The following RNF144B variants were observed in gnomAD, a reference collection of about 807,000 sequenced individuals.
The protein encoded by RNF144B is ring finger protein 144B.
In RNF144B, 25 loss-of-function variants were observed where a neutral mutation model predicts 40.2. The observed-to-expected ratio is 0.62, with a 90% confidence interval of 0.45 to 0.87. The LOEUF (loss-of-function observed/expected upper bound fraction) is 0.87, where lower values mean the gene tolerates loss of function less well. Ranked by LOEUF, RNF144B falls within the 40% of genes least tolerant of loss-of-function variation. The probability of loss-of-function intolerance (pLI) is 0.00; values close to 1 mark genes in which losing one functional copy is unlikely to be tolerated. For missense variants in RNF144B, 365 were observed against 373.7 expected, an observed-to-expected ratio of 0.98 and a Z score of 0.19; for synonymous variants, 145 against 136.3, an observed-to-expected ratio of 1.06 and a Z score of -0.44.
chr6:18,440,057 G>A (rs985964502), intron 4 of RNF144B, among the ~76,000 whole-genome samples: 5 of 152,088 alleles, frequency 3.3e-5, no homozygotes, highest in Admixed American at 6.5e-5. Flanking sequence ...AGTGACCCTC[G>A]AAATGGGTTT....
At chr6:18,430,946 A>G (rs538140871) in intron 3 of RNF144B, among the ~76,000 whole-genome samples, 2 of 152,274 alleles carry the variant, frequency 1.3e-5, no homozygotes, top group East Asian at 3.9e-4. Context: ...ATGAGTCTTA[A>G]AAATTACAAA....
rs1758768834 is a variant in RNF144B at position 18,434,416 on chromosome 6, A to G, written c.271-5268A>G. Among the ~76,000 whole-genome samples, 1 of 152,006 alleles carries G rather than the reference A, an allele frequency of 6.6e-6. No homozygotes were observed. Among genetic ancestry groups the G allele is most frequent in the Non-Finnish European group, 1.5e-5 (1 of 68,012 alleles). The stretch of plus-strand genomic sequence containing the variant: ...AGATGGTGATGCTTGTTTAAATATT[A>G]TGATCGTGGTTAATACTGATTAACA... On this transcript the variant is annotated intron_variant, in intron 3 of 7. Coordinates refer to ENST00000259939, the MANE Select transcript of RNF144B (RefSeq NM_182757.4). The surrounding 1 kb of genome is among the most constrained non-coding windows in gnomAD (Gnocchi z 4.1).
At chr6:18,411,771 G>A (rs1795052633) in intron 2 of RNF144B, among the ~76,000 whole-genome samples, 1 of 151,968 alleles carries the variant, frequency 6.6e-6, no homozygotes, top group Non-Finnish European at 1.5e-5. Context: ...TGGGATTACA[G>A]GCGTGAGCCA....
chr6:18,438,796 T>C (rs4712335), intron 3 of RNF144B, among the ~76,000 whole-genome samples: 18,962 of 152,156 alleles, frequency 0.12, 1,355 homozygotes, highest in Admixed American at 0.19. Context: ...CTGTCCTGTA[T>C]GAACTTACTG....
At chr6:18,429,011 G>T (rs1758631493) in intron 3 of RNF144B, among the ~76,000 whole-genome samples, 1 of 152,060 alleles carries the variant, frequency 6.6e-6, no homozygotes, top group Non-Finnish European at 1.5e-5. Context: ...GGGCAATATA[G>T]CAAGACCCCC....
rs902220539 is a variant in RNF144B, at chr6:18,457,209, T to C, written c.386T>C (p.Val129Ala). Residue 129 changes from valine (V) to alanine (A), a missense_variant, in exon 5 of 8, where the codon GTG (valine) becomes GCG (alanine). Coordinates refer to ENST00000259939, the MANE Select transcript of RNF144B (RefSeq NM_182757.4). The surrounding 1 kb of genome is among the most constrained non-coding windows in gnomAD (Gnocchi z 5.1). ...TGTCCTGTTGCAGACTGTCAGACAG[T>C]GTGCCCTGTTGCCTCGAGTGACCCA... is the stretch of plus-strand genomic sequence containing the variant. ...TWCPVADCQTVCPVASSDPGQ... is the reference protein window; with the variant it reads ...TWCPVADCQTACPVASSDPGQ... The C allele has an allele frequency of 3.1e-6, 5 of 1,614,018 alleles. No individual in the cohort carries two copies. The highest frequency in any genetic ancestry group is 3.3e-5 in the Admixed American group (2 of 60,008).
intron 1 of RNF144B, among the ~76,000 whole-genome samples, chr6:18,393,302 G>C (rs1203291290): frequency 6.6e-6 from 1 of 152,144 alleles, no homozygotes; most frequent in Admixed American, 6.5e-5. Flanking sequence ...TGAATGACCA[G>C]AGAGCTGGTT....
At chr6:18,438,875 T>C (rs2113514049) in intron 3 of RNF144B, among the ~76,000 whole-genome samples, 1 of 152,280 alleles carries the variant, frequency 6.6e-6, no homozygotes, top group East Asian at 1.9e-4. Flanking sequence ...TGAGAAAATC[T>C]TTATTTTCTC....
At chr6:18,429,530 G>A (rs2113501921) in intron 3 of RNF144B, among the ~76,000 whole-genome samples, 1 of 152,228 alleles carries the variant, frequency 6.6e-6, no homozygotes, top group East Asian at 1.9e-4. Context: ...AGGAATATCT[G>A]TTTAGAAGTG....
chr6:18,426,741 TTTC>T (rs1758564223), intron 2 of RNF144B, among the ~76,000 whole-genome samples: 1 of 151,384 alleles, frequency 6.6e-6, no homozygotes, highest in African/African-American at 2.4e-5. Flanking sequence ...CTTCTCTGAG[TTTC>T]TTTTTTCTAT....
At position 18,405,940 on chromosome 6, in the gene RNF144B, G is replaced by A. The variant is rs1794895423; in HGVS notation, c.165+6241G>A. ...GCATCATAGTCCTAGAATTGTAAGT[G>A]ACCTTAGATCTTCTAGTTCCCCCAC... On this transcript the variant is annotated intron_variant, in intron 2 of 7. Transcript: ENST00000259939. The surrounding 1 kb of genome is among the most constrained non-coding windows in gnomAD (Gnocchi z 4.5). The A allele has an allele frequency of 4.3e-5, 20 of 461,972 alleles. No homozygotes were observed. Among genetic ancestry groups the A allele is most frequent in the South Asian group, 3.3e-4 (20 of 61,138 alleles). The allele number at this position is 461,972 out of a possible 1,614,324, so 28.6% of individuals were successfully genotyped here. A position where few individuals can be genotyped will look rare whatever the true frequency, so the allele number is the denominator to read the frequency against.
At position 18,464,841 on chromosome 6, in the gene RNF144B, C is replaced by A; in HGVS notation, c.772-86C>A. On this transcript the variant is annotated intron_variant, in intron 7 of 7. Coordinates refer to ENST00000259939, the MANE Select transcript of RNF144B (RefSeq NM_182757.4). The surrounding 1 kb of genome is among the most constrained non-coding windows in gnomAD (Gnocchi z 6.1). The stretch of plus-strand genomic sequence containing the variant: ...GCTTCAGGGGGACACAAACATTTGG[C>A]CCACAGCAGATAACAGTATAGTTGG... 1 of 1,317,810 alleles carries A rather than the reference C, an allele frequency of 7.6e-7. No individual in the cohort carries two copies. The highest frequency in any genetic ancestry group is 1.1e-6 in the Non-Finnish European group (1 of 933,242). 81.6% of individuals were successfully genotyped at this position (1,317,810 alleles called of 1,614,324 possible).
chr6:18,462,102 T>C (rs1049038331), intron 6 of RNF144B, among the ~76,000 whole-genome samples: 7 of 152,058 alleles, frequency 4.6e-5, no homozygotes, highest in Admixed American at 1.3e-4. Flanking sequence ...TAAACACGAG[T>C]AAACATTTTT....
At position 18,459,517 on chromosome 6, in the gene RNF144B, CTG is replaced by C; in HGVS notation, c.537-87_537-86del. ...TTGGAAGTGAATTAAGCATGGATAA[CTG>C]TGAGTTCATTATCTAACCATCAGGA... On this transcript the variant is annotated intron_variant, in intron 5 of 7. Transcript: ENST00000259939. This position sits in a 1 kb window ranked among gnomAD's most constrained non-coding sequence, Gnocchi z 4.2. 4 of 1,324,614 alleles carry C rather than the reference CTG, an allele frequency of 3.0e-6. No homozygotes were observed. The highest frequency in any genetic ancestry group is 4.2e-6 in the Non-Finnish European group (4 of 943,774). The allele number at this position is 1,324,614 out of a possible 1,614,324, so 82.1% of individuals were successfully genotyped here.
In RNF144B at chr6:18,427,827, T is replaced by A. The variant is rs923763507; in HGVS notation, c.270+142T>A. The A allele has an allele frequency of 8.5e-6, 5 of 591,450 alleles. No homozygotes were observed. The African/African-American group carries it at 9.4e-5, about 11-fold the overall frequency. The allele number at this position is 591,450 out of a possible 1,614,324, so 36.6% of individuals were successfully genotyped here. On this transcript the variant is annotated intron_variant, in intron 3 of 7. Transcript: ENST00000259939. ...TTTAAAGGAGCACTTTATTGCAGCTTACCTTTGGACTTTTTATACAAACTG... is the reference window on the plus strand; with the variant it reads ...TTTAAAGGAGCACTTTATTGCAGCTAACCTTTGGACTTTTTATACAAACTG...
intron 1 of RNF144B, among the ~76,000 whole-genome samples, chr6:18,389,436 A>G (rs1794538380): frequency 6.6e-6 from 1 of 152,120 alleles, no homozygotes; most frequent in African/African-American, 2.4e-5. Context: ...TAGTATGAAT[A>G]TTTTTCATCT....
rs921099444 is a variant in RNF144B, at chr6:18,466,073, T to C, written c.*1006T>C. 1.3e-5 allele frequency: 2 copies of C among 152,214 alleles called. No homozygotes were observed. The highest frequency in any genetic ancestry group is 4.8e-5 in the African/African-American group (2 of 41,452). 9.4% of individuals were successfully genotyped at this position (152,214 alleles called of 1,614,324 possible). ...ATTGAGCATGCATGGATATACCCAA[T>C]AGTACACACAAAATAAATGTTTACT... On this transcript the variant is annotated 3_prime_UTR_variant, in exon 8 of 8. Transcript: ENST00000259939.
At position 18,466,063 on chromosome 6, in the gene RNF144B, A is replaced by G. The variant is rs1759566243; in HGVS notation, c.*996A>G. ...ATTTCTATCCATTGAGCATGCATGG[A>G]TATACCCAATAGTACACACAAAATA... On this transcript the variant is annotated 3_prime_UTR_variant, in exon 8 of 8. Coordinates refer to ENST00000259939, the MANE Select transcript of RNF144B (RefSeq NM_182757.4). 1 of 152,208 alleles carries G rather than the reference A, an allele frequency of 6.6e-6. No individual in the cohort carries two copies. Among genetic ancestry groups the G allele is most frequent in the Non-Finnish European group, 1.5e-5 (1 of 68,032 alleles). The allele number at this position is 152,208 out of a possible 1,614,324, so 9.4% of individuals were successfully genotyped here.
In RNF144B at chr6:18,439,711, T is replaced by A. The variant is rs1481097346; in HGVS notation, c.298T>A (p.Phe100Ile). The A allele has an allele frequency of 1.2e-6, 2 of 1,612,802 alleles. No individual in the cohort carries two copies. The highest frequency in any genetic ancestry group is 1.1e-5 in the South Asian group (1 of 91,026). ...TGCCTGTTTGGTACCTGTGGACCAG[T>A]TTCAACTTTATCAGAGGTTAAAATT... is the stretch of plus-strand genomic sequence containing the variant. ...EIACLVPVDQ[F>I]QLYQRLKFER... Residue 100 changes from phenylalanine to isoleucine, a missense_variant, in exon 4 of 8, where the codon TTT (phenylalanine) becomes ATT (isoleucine). Transcript: ENST00000259939.
Sources: gnomAD v4.1 joint callset for allele counts (sites outside exome capture counted in the v4.1 genomes callset) on GRCh38, gnomAD v4.1.1 for gene constraint, Gnocchi (gnomAD v3.1) non-coding constraint, MANE v1.5 for transcripts, NCBI Gene and HGNC (gene_info 2026-07-23, HGNC 2026-07-21) for gene names.